The following EDAR variants were observed in gnomAD, a reference collection of about 807,000 sequenced individuals.
The protein encoded by EDAR is ectodysplasin A receptor.
Under a neutral mutation model 51.3 loss-of-function variants are expected in EDAR, and 38 were observed. That is an observed-to-expected ratio of 0.74 (90% confidence interval 0.57 to 0.97). The LOEUF is 0.97. EDAR is among the 50% of genes least tolerant of loss of function. The pLI is 0.00. For missense variants in EDAR, 528 were observed against 595.0 expected (o/e 0.89, Z 1.17); for synonymous variants, 227 against 242.1 (o/e 0.94, Z 0.58).
intron 1 of EDAR, among the ~76,000 whole-genome samples, chr2:108,986,120 C>T (rs1326952751): frequency 1.3e-5 from 2 of 152,056 alleles, no homozygotes; most frequent in African/African-American, 4.8e-5. Context: ...GTCTCAGGGG[C>T]CAGTGGGCTG....
intron 1 of EDAR, among the ~76,000 whole-genome samples, chr2:108,951,755 G>T (rs1357283044): frequency 6.6e-6 from 1 of 151,830 alleles, no homozygotes; most frequent in Non-Finnish European, 1.5e-5. Context: ...GGTTCTCTTA[G>T]ATCTATGATA....
At chr2:108,904,254 AATAAG>A (rs1696761700) in intron 11 of EDAR, among the ~76,000 whole-genome samples, 1 of 152,248 alleles carries the variant, frequency 6.6e-6, no homozygotes, top group Non-Finnish European at 1.5e-5. Flanking sequence ...TTGAGACCAC[AATAAG>A]ATATCATAAC....
intron 6 of EDAR, 23 bp downstream of exon 6, chr2:108,912,655 C>A (rs370796598): frequency 1.9e-6 from 3 of 1,563,292 alleles, no homozygotes; most frequent in Non-Finnish European, 2.6e-6. Context: ...TCCAGGTGAT[C>A]GATACCTGAG....
intron 1 of EDAR, among the ~76,000 whole-genome samples, chr2:108,958,005 GC>G (rs1250233256): frequency 6.6e-6 from 1 of 152,074 alleles, no homozygotes; most frequent in Non-Finnish European, 1.5e-5. Context: ...TCTTTAAGCA[GC>G]CCTTTGGATT....
In EDAR at chr2:108,894,825, G is replaced by T. The variant is rs1696550128; in HGVS notation, c.*2082C>A. The T allele has an allele frequency of 6.6e-6, 1 of 152,168 alleles. No individual in the cohort carries two copies. The highest frequency in any genetic ancestry group is 1.5e-5 in the Non-Finnish European group (1 of 68,042). 9.4% of individuals were successfully genotyped at this position (152,168 alleles called of 1,614,324 possible). A position where few individuals can be genotyped will look rare whatever the true frequency, so the allele number is the denominator to read the frequency against. Reference sequence around the variant, plus strand: ...AAAAATGGCAGGTGGAGAGCCAATGGAACATGAGCTGACACTGGCTGGCCT... The same window carrying T: ...AAAAATGGCAGGTGGAGAGCCAATGTAACATGAGCTGACACTGGCTGGCCT... On this transcript the variant is annotated 3_prime_UTR_variant, in exon 12 of 12. Coordinates refer to ENST00000258443, the MANE Select transcript of EDAR (RefSeq NM_022336.4).
chr2:108,936,811 C>A (rs904528819), intron 1 of EDAR, among the ~76,000 whole-genome samples: 3 of 152,184 alleles, frequency 2.0e-5, no homozygotes, highest in Admixed American at 6.5e-5. Context: ...CTGCTTTAGT[C>A]GGATCTGTTT....
chr2:108,963,255 C>T (rs550958795), intron 1 of EDAR, among the ~76,000 whole-genome samples: 13 of 152,224 alleles, frequency 8.5e-5, no homozygotes, highest in Non-Finnish European at 1.5e-4. Context: ...AAAAGGGCTA[C>T]GTAAGCAAAA....
In EDAR at chr2:108,930,947, G is replaced by A; in HGVS notation, c.51+17C>T. On this transcript the variant is annotated intron_variant, in intron 2 of 11. Coordinates refer to ENST00000258443, the MANE Select transcript of EDAR (RefSeq NM_022336.4). ...AGGATGAGGGTGCTGTGGGGGTAAG[G>A]GGCTCAGACCACTTACCACCAGGAC... 1 of 1,613,428 alleles carries A rather than the reference G, an allele frequency of 6.2e-7. No homozygotes were observed. Among genetic ancestry groups the A allele is most frequent in the Non-Finnish European group, 8.5e-7 (1 of 1,179,648 alleles).
At chr2:108,917,516 G>T (rs1340424198) in intron 5 of EDAR, among the ~76,000 whole-genome samples, 1 of 152,126 alleles carries the variant, frequency 6.6e-6, no homozygotes, top group Non-Finnish European at 1.5e-5. Flanking sequence ...ATTTCACTCT[G>T]TACCCCATAA....
At chr2:108,960,244 C>CTGAGGA (rs1407206305) in intron 1 of EDAR, among the ~76,000 whole-genome samples, 2 of 152,226 alleles carry the variant, frequency 1.3e-5, no homozygotes, top group Non-Finnish European at 2.9e-5. Context: ...GAGCCTCAAA[C>CTGAGGA]TGAGGATCCC....
intron 1 of EDAR, among the ~76,000 whole-genome samples, chr2:108,982,446 C>T (rs887132912): frequency 6.6e-6 from 1 of 152,228 alleles, no homozygotes; most frequent in Non-Finnish European, 1.5e-5. Flanking sequence ...GGGACATTGG[C>T]GTTTGCCAGT....
In EDAR at chr2:108,910,840, G is replaced by A; in HGVS notation, c.666C>T (p.Thr222=). ...CCTCCACGCTCTTCCCCGGGTGGCT[G>A]GTGCAACAGGCTGGGGAGAGAGGAG... ...KTKPSAPACC[T]SHPGKSVEAQ... The change falls in exon 8 of 12, where the codon ACC becomes ACT. Residue 222 remains threonine, a synonymous_variant. Transcript: ENST00000258443. 1 of 1,614,096 alleles carries A rather than the reference G, an allele frequency of 6.2e-7. No individual in the cohort carries two copies. Among genetic ancestry groups the A allele is most frequent in the South Asian group, 1.1e-5 (1 of 91,074 alleles).
chr2:108,902,533 C>T (rs1696719751), intron 11 of EDAR, among the ~76,000 whole-genome samples: 2 of 152,164 alleles, frequency 1.3e-5, no homozygotes, highest in African/African-American at 2.4e-5. Flanking sequence ...CTAACTTATT[C>T]TATGAGGGTA....
At chr2:108,917,901 G>A (rs1260043610) in intron 5 of EDAR, among the ~76,000 whole-genome samples, 1 of 152,098 alleles carries the variant, frequency 6.6e-6, no homozygotes, top group East Asian at 1.9e-4. Context: ...AGCCCTGGGT[G>A]GGTCTGCTGT....
intron 1 of EDAR, among the ~76,000 whole-genome samples, chr2:108,983,942 G>C (rs1698457035): frequency 6.6e-6 from 1 of 152,224 alleles, no homozygotes; most frequent in Non-Finnish European, 1.5e-5. Flanking sequence ...AGTGCAGCTG[G>C]CCAGTGGCTC....
intron 1 of EDAR, among the ~76,000 whole-genome samples, chr2:108,981,931 T>C (rs1243370674): frequency 6.6e-6 from 1 of 152,240 alleles, no homozygotes; most frequent in Non-Finnish European, 1.5e-5. Context: ...GTGGGTTTCT[T>C]CAACATTTAT....
At chr2:108,947,972 C>CT (rs1558826437) in intron 1 of EDAR, among the ~76,000 whole-genome samples, 1 of 152,116 alleles carries the variant, frequency 6.6e-6, no homozygotes, top group Non-Finnish European at 1.5e-5. Flanking sequence ...GCTCTGCTTC[C>CT]TTTTTAAACA....
At chr2:108,978,763 T>C (rs1416755513) in intron 1 of EDAR, among the ~76,000 whole-genome samples, 1 of 152,126 alleles carries the variant, frequency 6.6e-6, no homozygotes, top group Non-Finnish European at 1.5e-5. Context: ...GGAGACAGTC[T>C]ATCGGTAAGC....
chr2:108,898,091 A>G (rs950040196), intron 11 of EDAR, among the ~76,000 whole-genome samples: 5 of 152,212 alleles, frequency 3.3e-5, no homozygotes, highest in Non-Finnish European at 4.4e-5. Flanking sequence ...AGAGCAGCCT[A>G]GCAAGCATAA....
Sources: allele counts gnomAD v4.1 joint callset (sites outside exome capture counted in the v4.1 genomes callset), GRCh38; gene constraint gnomAD v4.1.1; transcripts MANE v1.5; gene names NCBI Gene and HGNC (gene_info 2026-07-23, HGNC 2026-07-21).